The following PHKA1 variants were observed in gnomAD, a reference collection of about 807,000 sequenced individuals.
PHKA1 encodes the protein phosphorylase kinase regulatory subunit alpha 1.
PHKA1 carries 60 observed loss-of-function variants against 110.2 expected under a neutral mutation model. The ratio of observed to expected loss-of-function variants is 0.54; its 90% CI spans 0.44 to 0.68. The LOEUF is 0.68. PHKA1 is among the 30% of genes least tolerant of loss of function. PHKA1 has a pLI of 0.00. For synonymous variants in PHKA1, 316 were observed against 333.6 expected, an observed-to-expected ratio of 0.95 and a Z score of 0.58; for missense variants, 801 against 942.5, an observed-to-expected ratio of 0.85 and a Z score of 1.97.
chrX:72,584,148 A>G (rs2052379755), intron 30 of PHKA1, 101 bp downstream of exon 30: 1 of 690,970 alleles, frequency 1.4e-6, no homozygotes, highest in South Asian at 2.4e-5. Flanking sequence ...CAGTTGATTT[A>G]TAAAAGCATG....
At chrX:72,684,778 T>C (rs1443851599) in intron 4 of PHKA1, among the ~76,000 whole-genome samples, 198 bp from the exon 5 acceptor site, 1 of 111,537 alleles carries the variant, frequency 9.0e-6, no homozygotes, top group Non-Finnish European at 1.9e-5. Context: ...AAGCGAGATA[T>C]AAGCATATTT....
intron 2 of PHKA1, among the ~76,000 whole-genome samples, chrX:72,708,089 T>TA (rs1388421624): frequency 1.8e-5 from 2 of 111,100 alleles, no homozygotes; most frequent in African/African-American, 6.6e-5. Flanking sequence ...AAGAAGCCCA[T>TA]AAAAATTTTT....
At chrX:72,603,023 G>A (rs2052678009) in intron 26 of PHKA1, 96 bp downstream of exon 26, 2 of 575,273 alleles carry the variant, frequency 3.5e-6, no homozygotes, top group Admixed American at 5.3e-5. Context: ...ATTTATTTGG[G>A]GAAAAAGGTT....
At chrX:72,672,112 G>A (rs2053712135) in intron 6 of PHKA1, among the ~76,000 whole-genome samples, 1 of 111,878 alleles carries the variant, frequency 8.9e-6, no homozygotes, top group Admixed American at 9.5e-5. Flanking sequence ...ACACCACATG[G>A]ATACCTTCAA....
intron 13 of PHKA1, among the ~76,000 whole-genome samples, chrX:72,648,697 T>C (rs1434307579): frequency 9.0e-6 from 1 of 110,765 alleles, no homozygotes; most frequent in East Asian, 2.8e-4. Flanking sequence ...GACTGGGAGA[T>C]TTAGATGAAC....
In PHKA1 at chrX:72,675,743, T is replaced by C. The variant is rs138929861; in HGVS notation, c.618+327A>G. On this transcript the variant is annotated intron_variant, in intron 6 of 31. Coordinates refer to ENST00000373542, the MANE Select transcript of PHKA1 (RefSeq NM_002637.4). ...GATGATTCCTTGATATAAAGCTTGG[T>C]CAACTGGTAAACGAAAGGAATAAAA... Among the ~76,000 whole-genome samples, 937 of 110,620 alleles carry C rather than the reference T, an allele frequency of 8.5e-3. 10 individuals are homozygous for C. The highest frequency in any genetic ancestry group is 0.03 in the African/African-American group (903 of 30,484).
intron 16 of PHKA1, among the ~76,000 whole-genome samples, chrX:72,629,849 A>G (rs1556285780): frequency 9.0e-6 from 1 of 111,722 alleles, no homozygotes. Context: ...ATATACAAAC[A>G]TGATGCATAT....
chrX:72,702,335 AGCTACTCAGGAG>A (rs2054216066), intron 3 of PHKA1, among the ~76,000 whole-genome samples: 1 of 110,759 alleles, frequency 9.0e-6, no homozygotes, highest in South Asian at 3.9e-4. Flanking sequence ...CTGTAATCCC[AGCTACTCAGGAG>A]GCTAAGGCAG....
At chrX:72,619,084 T>C (rs2052938872) in intron 20 of PHKA1, 130 bp downstream of exon 20, 1 of 555,194 alleles carries the variant, frequency 1.8e-6, no homozygotes, top group Non-Finnish European at 3.1e-6. Flanking sequence ...AAAGAACATG[T>C]ATCTTCACCA....
At chrX:72,588,118 A>T (rs144054564) in intron 29 of PHKA1, among the ~76,000 whole-genome samples, 2 of 112,013 alleles carry the variant, frequency 1.8e-5, no homozygotes, top group East Asian at 5.6e-4. Context: ...CCCCAAACCA[A>T]CGGAATATAC....
chrX:72,640,250 T>G (rs1386249867), intron 14 of PHKA1, among the ~76,000 whole-genome samples: 1 of 111,475 alleles, frequency 9.0e-6, no homozygotes, highest in Non-Finnish European at 1.9e-5. Context: ...AGCAAAATAT[T>G]TCAATAACAT....
intron 26 of PHKA1, 98 bp downstream of exon 26, chrX:72,603,020 TG>T: frequency 3.5e-6 from 2 of 566,808 alleles, no homozygotes; most frequent in Non-Finnish European, 6.1e-6. Context: ...TTTATTTATT[TG>T]GGGAAAAAGG....
intron 6 of PHKA1, among the ~76,000 whole-genome samples, chrX:72,668,971 G>A (rs1321708515): frequency 1.8e-5 from 2 of 112,540 alleles, no homozygotes; most frequent in Admixed American, 1.9e-4. Flanking sequence ...AGCAGTAACA[G>A]GCTTAAAGCA....
rs1299527827 is a variant in PHKA1 at position 72,580,609 on chromosome X, C to CA, written c.*392dup. 5.0e-6 allele frequency: 1 copy of CA among 198,994 alleles called. No homozygotes were observed. The highest frequency in any genetic ancestry group is 6.9e-5 in the Admixed American group (1 of 14,434). The allele number at this position is 198,994 out of a possible 1,213,427, so 16.4% of individuals were successfully genotyped here. A position where few individuals can be genotyped will look rare whatever the true frequency, so the allele number is the denominator to read the frequency against. On this transcript the variant is annotated 3_prime_UTR_variant, in exon 32 of 32. Coordinates refer to ENST00000373542, the MANE Select transcript of PHKA1 (RefSeq NM_002637.4). ...ACCACTCATATACACAATAAAATCA[C>CA]AAAAAAGAAAAACCAAGCTTTAGGA...
At chrX:72,699,507 CAAAAAAAAAAAA>C (rs1171276586) in intron 3 of PHKA1, among the ~76,000 whole-genome samples, 3 of 16,943 alleles carry the variant, frequency 1.8e-4, no homozygotes, top group African/African-American at 5.8e-4. Context: ...GACTCCATCT[CAAAAAAAAAAAA>C]AAAAAAAAAA....
intron 7 of PHKA1, among the ~76,000 whole-genome samples, chrX:72,667,051 G>A (rs1556306710): frequency 1.8e-5 from 2 of 112,138 alleles, no homozygotes; most frequent in Non-Finnish European, 3.8e-5. Flanking sequence ...ATCATCTCTG[G>A]TTTTCTTTAT....
At chrX:72,681,652 C>G (rs1431491019) in intron 5 of PHKA1, among the ~76,000 whole-genome samples, 1 of 87,215 alleles carries the variant, frequency 1.1e-5, no homozygotes, top group Non-Finnish European at 2.3e-5. Context: ...CGGCCAGCCA[C>G]CCCGTCCGGG....
intron 8 of PHKA1, among the ~76,000 whole-genome samples, chrX:72,659,829 C>T (rs1556303294): frequency 8.9e-6 from 1 of 112,309 alleles, no homozygotes; most frequent in Admixed American, 9.4e-5. Context: ...GACCATACAG[C>T]ATCTGTTGCA....
At position 72,713,791 on chromosome X, in the gene PHKA1, C is replaced by T; in HGVS notation, c.78+12G>A. 8.5e-7 allele frequency: 1 copy of T among 1,179,537 alleles called. No individual in the cohort carries two copies. Among genetic ancestry groups the T allele is most frequent in the Non-Finnish European group, 1.2e-6 (1 of 866,205 alleles). On this transcript the variant is annotated intron_variant, in intron 1 of 31. Coordinates refer to ENST00000373542, the MANE Select transcript of PHKA1 (RefSeq NM_002637.4). ...CTCGCTCGGTGATTACGAGAGACACCCCTGCAGTTACCTGATGGCACAGGA... is the reference window on the plus strand; with the variant it reads ...CTCGCTCGGTGATTACGAGAGACACTCCTGCAGTTACCTGATGGCACAGGA...
Sources: gnomAD v4.1 joint callset for allele counts (sites outside exome capture counted in the v4.1 genomes callset) on GRCh38, gnomAD v4.1.1 for gene constraint, MANE v1.5 for transcripts, NCBI Gene and HGNC (gene_info 2026-07-23, HGNC 2026-07-21) for gene names.